The following BCAM variants were observed in gnomAD, a reference collection of about 807,000 sequenced individuals.
BCAM encodes basal cell adhesion molecule.
In BCAM, 61 loss-of-function variants were observed where a neutral mutation model predicts 72.4. That is an observed-to-expected ratio of 0.84 (90% CI 0.69 to 1.04). The LOEUF (loss-of-function observed/expected upper bound fraction) is 1.04, where lower values mean the gene tolerates loss of function less well. Ranked by LOEUF, BCAM falls within the 50% of genes least tolerant of loss-of-function variation. BCAM has a pLI of 0.00. For synonymous variants in BCAM, 408 were observed against 384.2 expected, an observed-to-expected ratio of 1.06 and a Z score of -0.73; for missense variants, 909 against 895.0, an observed-to-expected ratio of 1.02 and a Z score of -0.20.
At position 44,814,319 on chromosome 19, in the gene BCAM, AC is replaced by A. The variant is rs1210246506; in HGVS notation, c.921+37del. On this transcript the variant is annotated intron_variant, in intron 7 of 14. Coordinates refer to ENST00000270233, the MANE Select transcript of BCAM (RefSeq NM_005581.5). This position sits in a 1 kb window ranked among gnomAD's most constrained non-coding sequence, Gnocchi z 4.6. Reference sequence around the variant, plus strand: ...CCACCCAAGGGTCCCTCTGGGATCCACCCCCCAGCCCCTGACCTCTGTGACC... The same window carrying A: ...CCACCCAAGGGTCCCTCTGGGATCCACCCCCAGCCCCTGACCTCTGTGACC... The A allele has an allele frequency of 1.7e-5, 26 of 1,571,068 alleles. No homozygotes were observed. Among genetic ancestry groups the A allele is most frequent in the South Asian group, 3.5e-5 (3 of 85,910 alleles).
chr19:44,818,878 C>T lies in BCAM; in HGVS notation c.1332C>T (p.Val444=). The change falls in exon 10 of 15, where the codon GTC becomes GTT. Residue 444 remains valine (V), a synonymous_variant. Transcript: ENST00000270233. This position sits in a 1 kb window ranked among gnomAD's most constrained non-coding sequence, Gnocchi z 4.6. The stretch of plus-strand genomic sequence containing the variant: ...GCACCCAGAACTTCACGCTGCTGGT[C>T]CAAGGTTCAGGGGGCAGGGAGGGGG... ...LSRTQNFTLL[V]QGSPELKTAE... 2 of 1,613,730 alleles carry T rather than the reference C, an allele frequency of 1.2e-6. No homozygotes were observed. The highest frequency in any genetic ancestry group is 1.1e-5 in the South Asian group (1 of 91,002).
rs755416791 is a variant in BCAM at position 44,812,543 on chromosome 19, C to T, written c.499C>T (p.Gln167Ter). ...GTLSVMEDSAQEIATCNSRNG... is the reference protein window; with the variant it reads ...GTLSVMEDSA The stretch of plus-strand genomic sequence containing the variant: ...ACTGTCTGTGATGGAGGACTCTGCC[C>T]AGGAGGTACCTCTCGGGTGGACCTT... The change falls in exon 4 of 15, where the codon CAG becomes TAG. Residue 167 changes from glutamine (Q) to a stop codon, truncating the protein, a stop_gained. Coordinates refer to ENST00000270233, the MANE Select transcript of BCAM (RefSeq NM_005581.5). LOFTEE classifies it high-confidence loss of function. This position sits in a 1 kb window ranked among gnomAD's most constrained non-coding sequence, Gnocchi z 5.3. 1 of 1,614,042 alleles carries T rather than the reference C, an allele frequency of 6.2e-7. No individual in the cohort carries two copies. The highest frequency in any genetic ancestry group is 8.5e-7 in the Non-Finnish European group (1 of 1,180,006).
Position 44,812,437 on chromosome 19 carries a change from G to C in BCAM, c.434-41G>C. ...CCCGAAGGGAGGCAGGCAGGGAGGG[G>C]CGCAGGGCAGGGGCTCCTGACGTGA... On this transcript the variant is annotated intron_variant, in intron 3 of 14. Transcript: ENST00000270233. The surrounding 1 kb of genome is among the most constrained non-coding windows in gnomAD (Gnocchi z 5.3). The C allele has an allele frequency of 1.2e-6, 2 of 1,614,160 alleles. No homozygotes were observed. The highest frequency in any genetic ancestry group is 1.7e-6 in the Non-Finnish European group (2 of 1,180,016).
chr19:44,814,247 G>T lies in BCAM; in HGVS notation c.880G>T (p.Asp294Tyr), dbSNP rs752180392. The T allele has an allele frequency of 6.3e-7, 1 of 1,590,796 alleles. No homozygotes were observed. The highest frequency in any genetic ancestry group is 8.5e-7 in the Non-Finnish European group (1 of 1,174,202). ...CACTGTCCAGCTGCTCTGCCGGGGG[G>T]ACGGCAGCCCCAGCCCGGAGTATAC... ...GDTVQLLCRG[D>Y]GSPSPEYTLF... The change falls in exon 7 of 15, where the codon GAC becomes TAC. Residue 294 changes from aspartate to tyrosine, a missense_variant. Asp to Tyr is a radical substitution (Grantham distance 160, BLOSUM62 -3). Transcript: ENST00000270233. This position sits in a 1 kb window ranked among gnomAD's most constrained non-coding sequence, Gnocchi z 4.6.
At position 44,819,146 on chromosome 19, in the gene BCAM, G is replaced by C. The variant is rs746759389; in HGVS notation, c.1427G>C (p.Arg476Pro). ...GAAGTCACACTCATCTGCTCTGCCC[G>C]CGGCCATCCAGACCCCAAACTCAGC... is the stretch of plus-strand genomic sequence containing the variant. ...GDEVTLICSA[R>P]GHPDPKLSWS... is the part of the protein sequence containing the mutation. Residue 476 changes from arginine to proline, a missense_variant, in exon 11 of 15, where the codon CGC becomes CCC. Physicochemically the swap from Arg to Pro is moderately radical, Grantham distance 103 (BLOSUM62 -2). Transcript: ENST00000270233. 1 of 1,614,054 alleles carries C rather than the reference G, an allele frequency of 6.2e-7. No homozygotes were observed.
Position 44,813,578 on chromosome 19 carries a change from C to G in BCAM, c.742C>G (p.His248Asp). Residue 248 changes from histidine (H) to aspartate (D), a missense_variant, in exon 6 of 15, where the codon CAC becomes GAC. His to Asp is a moderately conservative substitution (Grantham distance 81). Transcript: ENST00000270233. This position sits in a 1 kb window ranked among gnomAD's most constrained non-coding sequence, Gnocchi z 4.2. ...AAHYSLPEGR[H>D]GRLDSPTFHL... ...CCACTACAGCCTGCCCGAGGGCCGC[C>G]ACGGCCGCCTGGACAGCCCCACCTT... 1 of 1,612,672 alleles carries G rather than the reference C, an allele frequency of 6.2e-7. No homozygotes were observed. The highest frequency in any genetic ancestry group is 1.3e-5 in the African/African-American group (1 of 75,056).
At chr19:44,820,336 G>A (rs543599554) in intron 13 of BCAM, 13 of 1,052,638 alleles carry the variant, frequency 1.2e-5, no homozygotes, top group Middle Eastern at 4.3e-4. Flanking sequence ...CCCCAATCTT[G>A]TCCCCATTCC....
Position 44,813,298 on chromosome 19 carries a change from T to C in BCAM, c.553T>C (p.Trp185Arg). ...CGGGAACCCGGCCCCCAAGATCACG[T>C]GGTATCGCAACGGGCAGCGCCTGGA... Reference protein sequence around the residue: ...RNGNPAPKITWYRNGQRLEVP... With the variant: ...RNGNPAPKITRYRNGQRLEVP... The change falls in exon 5 of 15, where the codon TGG (tryptophan) becomes CGG (arginine). Residue 185 changes from tryptophan (W) to arginine (R), a missense_variant. Trp to Arg is a moderately radical substitution (Grantham distance 101). Coordinates refer to ENST00000270233, the MANE Select transcript of BCAM (RefSeq NM_005581.5). This position sits in a 1 kb window ranked among gnomAD's most constrained non-coding sequence, Gnocchi z 4.2. The C allele has an allele frequency of 6.2e-7, 1 of 1,614,028 alleles. No individual in the cohort carries two copies. Among genetic ancestry groups the C allele is most frequent in the Non-Finnish European group, 8.5e-7 (1 of 1,180,004 alleles).
intron 8 of BCAM, among the ~76,000 whole-genome samples, chr19:44,815,108 C>T (rs1364941275): frequency 6.6e-6 from 1 of 152,006 alleles, no homozygotes; most frequent in Non-Finnish European, 1.5e-5. Context: ...CTCCCCAGTA[C>T]CCTTGGGAGA....
At chr19:44,809,270 A>T (rs999101397) in intron 1 of BCAM, 64 bp downstream of exon 1, 1 of 1,320,100 alleles carries the variant, frequency 7.6e-7, no homozygotes, top group African/African-American at 1.5e-5. Context: ...CGGGAAAGCG[A>T]GGAGAAAGGG....
rs1968463509 is a variant in BCAM at position 44,813,700 on chromosome 19, A to T, written c.784+80A>T. 2 of 1,520,930 alleles carry T rather than the reference A, an allele frequency of 1.3e-6. No homozygotes were observed. Among genetic ancestry groups the T allele is most frequent in the Non-Finnish European group, 1.8e-6 (2 of 1,127,692 alleles). 94.2% of individuals were successfully genotyped at this position (1,520,930 alleles called of 1,614,324 possible). The stretch of plus-strand genomic sequence containing the variant: ...CTGACCCTCCACCCGGGGGCTTCAC[A>T]CTCCCCTCTGACCCTCTGCCTCCCT... On this transcript the variant is annotated intron_variant, in intron 6 of 14. Transcript: ENST00000270233. This position sits in a 1 kb window ranked among gnomAD's most constrained non-coding sequence, Gnocchi z 4.2.
Position 44,818,736 on chromosome 19 carries a change from C to A in BCAM, c.1195-5C>A. The A allele has an allele frequency of 6.2e-7, 1 of 1,614,024 alleles. No individual in the cohort carries two copies. On this transcript the variant is annotated splice_region_variant and splice_polypyrimidine_tract_variant and intron_variant, in intron 9 of 14. Coordinates refer to ENST00000270233, the MANE Select transcript of BCAM (RefSeq NM_005581.5). This position sits in a 1 kb window ranked among gnomAD's most constrained non-coding sequence, Gnocchi z 4.6. ...AGCGTCCTCCTCCTCCTCTGCCCTT[C>A]CCAGGACTCCACTCCCCTGGGCGAT...
chr19:44,814,284 T>A lies in BCAM; in HGVS notation c.917T>A (p.Leu306His), dbSNP rs751988097. The change falls in exon 7 of 15, where the codon CTT (leucine) becomes CAT (histidine). Residue 306 changes from leucine to histidine, a missense_variant. Coordinates refer to ENST00000270233, the MANE Select transcript of BCAM (RefSeq NM_005581.5). This position sits in a 1 kb window ranked among gnomAD's most constrained non-coding sequence, Gnocchi z 4.6. ...AGCCCGGAGTATACGCTTTTCCGCC[T>A]TCAGGTGACCCACCCAAGGGTCCCT... ...SPSPEYTLFR[L>H]QDEQEEVLNV... The A allele has an allele frequency of 1.9e-6, 3 of 1,594,470 alleles. No homozygotes were observed. The South Asian group carries it at 3.4e-5, about 18-fold the overall frequency.
Position 44,821,071 on chromosome 19 carries a change from G to A in BCAM, c.*150G>A. The A allele has an allele frequency of 8.9e-7, 1 of 1,123,248 alleles. No individual in the cohort carries two copies. The highest frequency in any genetic ancestry group is 3.2e-5 in the East Asian group (1 of 31,454). The allele number at this position is 1,123,248 out of a possible 1,614,324, so 69.6% of individuals were successfully genotyped here. A position where few individuals can be genotyped will look rare whatever the true frequency, so the allele number is the denominator to read the frequency against. On this transcript the variant is annotated 3_prime_UTR_variant, in exon 15 of 15. Coordinates refer to ENST00000270233, the MANE Select transcript of BCAM (RefSeq NM_005581.5). The stretch of plus-strand genomic sequence containing the variant: ...CTTCCTTCCTCTGCCGGCAAGGCAG[G>A]GACCCACAGTGGCTGCCTGCCTCCG...
chr19:44,812,855 C>T lies in BCAM; in HGVS notation c.504+307C>T, dbSNP rs940438509. 1 of 432,786 alleles carries T rather than the reference C, an allele frequency of 2.3e-6. No homozygotes were observed. Among genetic ancestry groups the T allele is most frequent in the Non-Finnish European group, 4.1e-6 (1 of 242,040 alleles). The allele number at this position is 432,786 out of a possible 1,614,324, so 26.8% of individuals were successfully genotyped here. A position where few individuals can be genotyped will look rare whatever the true frequency, so the allele number is the denominator to read the frequency against. Reference sequence around the variant, plus strand: ...ATCCCAGCTGCTCGGGAGGCTGAGACAGGAGAATCACTCGAACCCAGAAGG... The same window carrying T: ...ATCCCAGCTGCTCGGGAGGCTGAGATAGGAGAATCACTCGAACCCAGAAGG... On this transcript the variant is annotated intron_variant, in intron 4 of 14. Coordinates refer to ENST00000270233, the MANE Select transcript of BCAM (RefSeq NM_005581.5). This position sits in a 1 kb window ranked among gnomAD's most constrained non-coding sequence, Gnocchi z 5.3.
chr19:44,818,917 GGACAGTGT>G lies in BCAM; in HGVS notation c.1336+37_1336+44del. The G allele has an allele frequency of 6.2e-7, 1 of 1,607,864 alleles. No individual in the cohort carries two copies. The stretch of plus-strand genomic sequence containing the variant: ...GCAGGGAGGGGGTGGGCTTGGATGG[GGACAGTGT>G]GGGGTGTGGGACCTGGACAAACAGG... On this transcript the variant is annotated intron_variant, in intron 10 of 14. Coordinates refer to ENST00000270233, the MANE Select transcript of BCAM (RefSeq NM_005581.5). This position sits in a 1 kb window ranked among gnomAD's most constrained non-coding sequence, Gnocchi z 4.6.
chr19:44,820,265 C>T (rs957513646), intron 13 of BCAM: 1 of 1,011,688 alleles, frequency 9.9e-7, no homozygotes, highest in Non-Finnish European at 1.2e-6. Context: ...CAGCCCTCAC[C>T]TAGCCATTTC....
At position 44,814,228 on chromosome 19, in the gene BCAM, C is replaced by G. The variant is rs145453963; in HGVS notation, c.861C>G (p.Val287=). The part of the protein sequence containing the change: ...PAGWVREGDT[V]QLLCRGDGSP... ...GCTGGGTACGCGAGGGTGACACTGT[C>G]CAGCTGCTCTGCCGGGGGGACGGCA... The change falls in exon 7 of 15, where the codon GTC becomes GTG. Residue 287 remains valine (V), a synonymous_variant. Coordinates refer to ENST00000270233, the MANE Select transcript of BCAM (RefSeq NM_005581.5). This position sits in a 1 kb window ranked among gnomAD's most constrained non-coding sequence, Gnocchi z 4.6. 2 of 1,586,132 alleles carry G rather than the reference C, an allele frequency of 1.3e-6. No homozygotes were observed. Among genetic ancestry groups the G allele is most frequent in the African/African-American group, 1.4e-5 (1 of 73,464 alleles).
Position 44,812,645 on chromosome 19 carries a change from G to A in BCAM, c.504+97G>A. ...GAGGGAGGAGGGGCTGGGGACCCCT[G>A]GGTAATAAAGGAGGAGGGGTAAGGC... On this transcript the variant is annotated intron_variant, in intron 4 of 14. Transcript: ENST00000270233. The surrounding 1 kb of genome is among the most constrained non-coding windows in gnomAD (Gnocchi z 5.3). 1 of 1,421,498 alleles carries A rather than the reference G, an allele frequency of 7.0e-7. No individual in the cohort carries two copies. The highest frequency in any genetic ancestry group is 1.4e-5 in the African/African-American group (1 of 69,758). 88.1% of individuals were successfully genotyped at this position (1,421,498 alleles called of 1,614,324 possible). A position where few individuals can be genotyped will look rare whatever the true frequency, so the allele number is the denominator to read the frequency against.
Sources: gnomAD v4.1 joint callset for allele counts (sites outside exome capture counted in the v4.1 genomes callset) on GRCh38, gnomAD v4.1.1 for gene constraint, Gnocchi (gnomAD v3.1) non-coding constraint, MANE v1.5 for transcripts, NCBI Gene and HGNC (gene_info 2026-07-23, HGNC 2026-07-21) for gene names.